Variants in NBEAL1 observed in about 807,000 individuals in gnomAD.
The protein encoded by NBEAL1 is neurobeachin-like protein 1.
In NBEAL1, 273 loss-of-function variants were observed where a neutral mutation model predicts 351.3. That is an observed-to-expected ratio of 0.78 (90% CI 0.70 to 0.86). NBEAL1 has a LOEUF of 0.86. NBEAL1 is among the 40% of genes least tolerant of loss of function. NBEAL1 has a pLI of 0.00. For synonymous variants in NBEAL1, 1,050 were observed against 1,086.4 expected (o/e 0.97, Z 0.66); for missense variants, 2,961 against 3,201.3 (o/e 0.92, Z 1.81).
chr2:203,196,291 G>A (rs1437344226), intron 47 of NBEAL1, among the ~76,000 whole-genome samples: 1 of 152,136 alleles, frequency 6.6e-6, no homozygotes, highest in Non-Finnish European at 1.5e-5. Flanking sequence ...GCTTTCTCCA[G>A]GACACATTCA....
At chr2:203,055,435 C>T (rs1474283032) in intron 4 of NBEAL1, among the ~76,000 whole-genome samples, 1 of 151,898 alleles carries the variant, frequency 6.6e-6, no homozygotes, top group Non-Finnish European at 1.5e-5. Flanking sequence ...AGACCCTCAT[C>T]TCAACAAAAA....
intron 2 of NBEAL1, among the ~76,000 whole-genome samples, chr2:203,037,720 G>C (rs2061062176): frequency 6.7e-6 from 1 of 148,878 alleles, no homozygotes; most frequent in African/African-American, 2.4e-5. Context: ...TATAATCCCA[G>C]CACTTTGGGA....
chr2:203,149,723 C>G (rs529920936), intron 34 of NBEAL1, among the ~76,000 whole-genome samples: 2 of 152,180 alleles, frequency 1.3e-5, no homozygotes, highest in East Asian at 3.9e-4. Context: ...AAAAGTCACT[C>G]CTTATTATCC....
At chr2:203,086,136 T>C (rs930862011) in intron 10 of NBEAL1, 19 of 152,226 alleles carry the variant, frequency 1.2e-4, no homozygotes, top group African/African-American at 4.1e-4. Context: ...TATATTTTGT[T>C]GCAAAACAAT....
intron 51 of NBEAL1, among the ~76,000 whole-genome samples, chr2:203,207,337 G>C (rs1484818922): frequency 6.7e-6 from 1 of 148,594 alleles, no homozygotes; most frequent in Non-Finnish European, 1.5e-5. Flanking sequence ...GGAGGTGAGG[G>C]GCGCCTCTGC....
rs1254590460 is a variant in NBEAL1, at chr2:203,217,392, G to A, written c.*38G>A. 3.9e-6 allele frequency: 6 copies of A among 1,527,384 alleles called. No individual in the cohort carries two copies. Among genetic ancestry groups the A allele is most frequent in the Non-Finnish European group, 5.3e-6 (6 of 1,134,524 alleles). The allele number at this position is 1,527,384 out of a possible 1,614,324, so 94.6% of individuals were successfully genotyped here. The stretch of plus-strand genomic sequence containing the variant: ...TTTTCTGTTATGATTACTGAAACCT[G>A]ATTTATTGCTTTGTCACTTTAACCA... On this transcript the variant is annotated 3_prime_UTR_variant, in exon 56 of 56. Transcript: ENST00000683969.
chr2:203,120,050 CTGTCTG>C (rs1158024936), intron 18 of NBEAL1, among the ~76,000 whole-genome samples: 1 of 151,894 alleles, frequency 6.6e-6, no homozygotes, highest in East Asian at 1.9e-4. Context: ...ATAAAAGTCT[CTGTCTG>C]TAAGAAGCTT....
At chr2:203,123,041 T>G (rs1443224026) in intron 19 of NBEAL1, among the ~76,000 whole-genome samples, 1 of 151,766 alleles carries the variant, frequency 6.6e-6, no homozygotes, top group Non-Finnish European at 1.5e-5. Context: ...ATAACCTAAG[T>G]TAAATAAAAG....
intron 10 of NBEAL1, among the ~76,000 whole-genome samples, chr2:203,096,009 A>T (rs2062176751): frequency 6.6e-6 from 1 of 152,096 alleles, no homozygotes; most frequent in Non-Finnish European, 1.5e-5. Context: ...CGCCCACCTC[A>T]GCCTCCCAAA....
chr2:203,047,323 A>G (rs2061245584), intron 3 of NBEAL1, among the ~76,000 whole-genome samples: 1 of 151,654 alleles, frequency 6.6e-6, no homozygotes, highest in South Asian at 2.1e-4. Context: ...CTGGCAACCT[A>G]CATGAGAATG....
At position 203,041,875 on chromosome 2, in the gene NBEAL1, T is replaced by C. The variant is rs1224728766; in HGVS notation, c.143+19T>C. On this transcript the variant is annotated intron_variant, in intron 3 of 55. Coordinates refer to ENST00000683969, the MANE Select transcript of NBEAL1 (RefSeq NM_001378026.1). Reference sequence around the variant, plus strand: ...CTACCAGGTATGTAGAAACGCTAATTTGTAACCCCTGGATGAGTTTTTCAT... The same window carrying C: ...CTACCAGGTATGTAGAAACGCTAATCTGTAACCCCTGGATGAGTTTTTCAT... 2.0e-6 allele frequency: 3 copies of C among 1,497,116 alleles called. No individual in the cohort carries two copies. Among genetic ancestry groups the C allele is most frequent in the Non-Finnish European group, 1.8e-6 (2 of 1,098,348 alleles). 92.7% of individuals were successfully genotyped at this position (1,497,116 alleles called of 1,614,324 possible).
chr2:203,060,999 A>G (rs980179571), intron 6 of NBEAL1, among the ~76,000 whole-genome samples: 1 of 152,240 alleles, frequency 6.6e-6, no homozygotes, highest in Non-Finnish European at 1.5e-5. Context: ...GTACATTTAT[A>G]GGAATTTTTC....
intron 31 of NBEAL1, 140 bp from the exon 32 acceptor site, chr2:203,144,460 A>C (rs2063459399): frequency 1.1e-5 from 8 of 738,972 alleles, no homozygotes; most frequent in Non-Finnish European, 1.7e-5. Context: ...TTTAGCTTGG[A>C]GGCAAAGTAA....
At chr2:203,125,194 G>C (rs2062911295) in intron 19 of NBEAL1, among the ~76,000 whole-genome samples, 158 bp from the exon 20 acceptor site, 1 of 152,192 alleles carries the variant, frequency 6.6e-6, no homozygotes, top group Non-Finnish European at 1.5e-5. Context: ...AGGCTGCCCT[G>C]TAAAGCATCT....
At chr2:203,211,131 A>G in intron 54 of NBEAL1, 25 bp downstream of exon 54, 1 of 1,486,456 alleles carries the variant, frequency 6.7e-7, no homozygotes, top group Non-Finnish European at 9.0e-7. Context: ...CTAATGAAGT[A>G]TCACTTAAGA....
Position 203,217,471 on chromosome 2 carries a change from C to T in NBEAL1, c.*117C>T. 2 of 1,328,090 alleles carry T rather than the reference C, an allele frequency of 1.5e-6. No homozygotes were observed. Among genetic ancestry groups the T allele is most frequent in the Non-Finnish European group, 1.9e-6 (2 of 1,035,504 alleles). 82.3% of individuals were successfully genotyped at this position (1,328,090 alleles called of 1,614,324 possible). On this transcript the variant is annotated 3_prime_UTR_variant, in exon 56 of 56. Transcript: ENST00000683969. The stretch of plus-strand genomic sequence containing the variant: ...GGCTTTTATCCCTGAAAATCATTTA[C>T]AGATAACCACAATTTGCTGTGGTAT...
intron 27 of NBEAL1, among the ~76,000 whole-genome samples, chr2:203,135,138 T>G (rs1484905376): frequency 6.7e-6 from 1 of 149,222 alleles, no homozygotes; most frequent in Non-Finnish European, 1.5e-5. Context: ...ATCGCACCAC[T>G]GCACTGGTGC....
chr2:203,022,593 G>T (rs2060789730), intron 2 of NBEAL1, among the ~76,000 whole-genome samples: 1 of 152,088 alleles, frequency 6.6e-6, no homozygotes, highest in Non-Finnish European at 1.5e-5. Flanking sequence ...TTAGAAAAGA[G>T]ATTTTATTTA....
chr2:203,210,334 G>A (rs1387260447), intron 53 of NBEAL1, among the ~76,000 whole-genome samples: 1 of 144,674 alleles, frequency 6.9e-6, no homozygotes, highest in Non-Finnish European at 1.5e-5. Context: ...CTGCACTCCA[G>A]CCTGGACAAT....
Sources: allele counts gnomAD v4.1 joint callset (sites outside exome capture counted in the v4.1 genomes callset), GRCh38; gene constraint gnomAD v4.1.1; transcripts MANE v1.5; gene names NCBI Gene and HGNC (gene_info 2026-07-23, HGNC 2026-07-21).